The following ZNF175 variants were observed in gnomAD, a reference collection of about 807,000 sequenced individuals.
ZNF175 encodes zinc finger protein OTK18.
A neutral mutation model predicts 14.0 loss-of-function variants in ZNF175; 8 were observed. The ratio of observed to expected loss-of-function variants is 0.57; its 90% confidence interval spans 0.34 to 1.03. ZNF175 has a LOEUF of 1.03. Among genes scored for constraint, ZNF175 ranks in the 50% least tolerant of loss-of-function variants. The probability of loss-of-function intolerance (pLI) is 0.03; values close to 1 mark genes in which losing one functional copy is unlikely to be tolerated. For synonymous variants in ZNF175, 255 were observed against 296.8 expected, an observed-to-expected ratio of 0.86 and a Z score of 1.45; for missense variants, 764 against 849.5, an observed-to-expected ratio of 0.90 and a Z score of 1.25.
Position 51,589,590 on chromosome 19 carries a change from A to G in ZNF175, c.*1123A>G. The G allele has an allele frequency of 1.4e-6, 1 of 702,066 alleles. No homozygotes were observed. The highest frequency in any genetic ancestry group is 2.7e-5 in the East Asian group (1 of 37,280). The allele number at this position is 702,066 out of a possible 1,614,324, so 43.5% of individuals were successfully genotyped here. A position where few individuals can be genotyped will look rare whatever the true frequency, so the allele number is the denominator to read the frequency against. ...CCCCCTTTCCATCTCCACCATCTATAGTGAGCCTCTCCATAATTAGTGCCA... is the reference window on the plus strand; with the variant it reads ...CCCCCTTTCCATCTCCACCATCTATGGTGAGCCTCTCCATAATTAGTGCCA... On this transcript the variant is annotated 3_prime_UTR_variant, in exon 5 of 5. Coordinates refer to ENST00000262259, the MANE Select transcript of ZNF175 (RefSeq NM_007147.4).
chr19:51,585,532 T>C (rs1982138718), intron 4 of ZNF175, among the ~76,000 whole-genome samples: 1 of 152,102 alleles, frequency 6.6e-6, no homozygotes, highest in Non-Finnish European at 1.5e-5. Context: ...AAAAAAAGAA[T>C]GAAAGATGAT....
intron 1 of ZNF175, 21 bp from the exon 2 acceptor site, chr19:51,573,129 T>C (rs1192704121): frequency 3.3e-6 from 2 of 599,010 alleles, no homozygotes; most frequent in South Asian, 4.3e-5. Flanking sequence ...TGAGTGACCA[T>C]GTACTCATTG....
At chr19:51,582,302 G>A (rs769640305) in intron 4 of ZNF175, among the ~76,000 whole-genome samples, 33 of 151,854 alleles carry the variant, frequency 2.2e-4, no homozygotes, top group Admixed American at 5.2e-4. Flanking sequence ...TTTGTTTTTG[G>A]TTTTGGTTTT....
At chr19:51,586,556 C>CA in intron 4 of ZNF175, 71 bp from the exon 5 acceptor site, 2 of 1,464,242 alleles carry the variant, frequency 1.4e-6, no homozygotes, top group East Asian at 4.6e-5. Context: ...TGTTCTGTGT[C>CA]AATCAGCTTC....
In ZNF175 at chr19:51,588,333, G is replaced by C; in HGVS notation, c.2002G>C (p.Glu668Gln). The part of the protein sequence containing the change: ...LKVHQRIHTG[E>Q]RPYVCSECGK... ...GGTGCATCAGCGAATTCACACGGGAGAAAGACCTTATGTGTGTTCTGAATG... is the reference window on the plus strand; with the variant it reads ...GGTGCATCAGCGAATTCACACGGGACAAAGACCTTATGTGTGTTCTGAATG... The change falls in exon 5 of 5, where the codon GAA (glutamate) becomes CAA (glutamine). Residue 668 changes from glutamate (E) to glutamine (Q), a missense_variant. Transcript: ENST00000262259. The C allele has an allele frequency of 6.2e-7, 1 of 1,614,184 alleles. No homozygotes were observed. Among genetic ancestry groups the C allele is most frequent in the Non-Finnish European group, 8.5e-7 (1 of 1,180,032 alleles).
At position 51,588,857 on chromosome 19, in the gene ZNF175, A is replaced by C; in HGVS notation, c.*390A>C. 2.5e-6 allele frequency: 1 copy of C among 403,352 alleles called. No individual in the cohort carries two copies. The highest frequency in any genetic ancestry group is 1.2e-4 in the South Asian group (1 of 8,014). 25.0% of individuals were successfully genotyped at this position (403,352 alleles called of 1,614,324 possible). A position where few individuals can be genotyped will look rare whatever the true frequency, so the allele number is the denominator to read the frequency against. On this transcript the variant is annotated 3_prime_UTR_variant, in exon 5 of 5. Coordinates refer to ENST00000262259, the MANE Select transcript of ZNF175 (RefSeq NM_007147.4). Reference sequence around the variant, plus strand: ...ATAACCCTGTTTATTGTGGGATATCAATATTTTTAAAGTGCCAACACAGTC... The same window carrying C: ...ATAACCCTGTTTATTGTGGGATATCCATATTTTTAAAGTGCCAACACAGTC...
chr19:51,587,501 CTA>C lies in ZNF175; in HGVS notation c.1172_1173del (p.Tyr391Ter). ...HQRTHSREKLYECSECGKGFS... is the reference protein window; with the variant it reads ...HQRTHSREKLXECSECGKGFS... ...AGAGAACTCACAGTAGAGAAAAACT[CTA>C]TGAATGCAGTGAATGTGGCAAAGGC... On this transcript the variant is annotated frameshift_variant, in exon 5 of 5. Transcript: ENST00000262259. LOFTEE classifies it low-confidence loss of function (END_TRUNC). 2 of 1,614,198 alleles carry C rather than the reference CTA, an allele frequency of 1.2e-6. No individual in the cohort carries two copies. The highest frequency in any genetic ancestry group is 1.1e-5 in the South Asian group (1 of 91,080).
In ZNF175 at chr19:51,574,985, G is replaced by A. The variant is rs80151739; in HGVS notation, c.72+1584G>A. Among the ~76,000 whole-genome samples, 400 of 152,102 alleles carry A rather than the reference G, an allele frequency of 2.6e-3. 16 individuals are homozygous for A. The East Asian group carries it at 0.046, about 17-fold the overall frequency. On this transcript the variant is annotated intron_variant, in intron 2 of 4. Coordinates refer to ENST00000262259, the MANE Select transcript of ZNF175 (RefSeq NM_007147.4). ...GCACATTATCTTCTCTTTGTGGTGT[G>A]TATTTCCCTCTGCTCTGGACAGTAC...
At chr19:51,579,308 C>T (rs1381087582) in intron 2 of ZNF175, among the ~76,000 whole-genome samples, 2 of 149,770 alleles carry the variant, frequency 1.3e-5, no homozygotes, top group African/African-American at 4.9e-5. Context: ...GTGGTCCCAG[C>T]TACTTGGGAA....
Position 51,588,671 on chromosome 19 carries a change from G to A in ZNF175, c.*204G>A, listed in dbSNP as rs1029121273. 8 of 560,108 alleles carry A rather than the reference G, an allele frequency of 1.4e-5. No individual in the cohort carries two copies. The highest frequency in any genetic ancestry group is 4.8e-4 in the Middle Eastern group (1 of 2,090). The allele number at this position is 560,108 out of a possible 1,614,324, so 34.7% of individuals were successfully genotyped here. On this transcript the variant is annotated 3_prime_UTR_variant, in exon 5 of 5. Transcript: ENST00000262259. Reference sequence around the variant, plus strand: ...GCAATTACAGAGAAAAGAGTAAGCAGAAATGTCCTTCTGAGTACTGGCCTC... The same window carrying A: ...GCAATTACAGAGAAAAGAGTAAGCAAAAATGTCCTTCTGAGTACTGGCCTC...
In ZNF175 at chr19:51,588,035, C is replaced by T; in HGVS notation, c.1704C>T (p.Phe568=). The change falls in exon 5 of 5, where the codon TTC becomes TTT. Residue 568 remains phenylalanine (F), a synonymous_variant. Coordinates refer to ENST00000262259, the MANE Select transcript of ZNF175 (RefSeq NM_007147.4). ...AATGCAGTGAATGTGGGAAAGCCTT[C>T]ACTTCTAAGTCTCAATTCAAAGAGC... ...PYKCSECGKA[F]TSKSQFKEHQ... is the part of the protein sequence containing the mutation. 1 of 1,614,184 alleles carries T rather than the reference C, an allele frequency of 6.2e-7. No homozygotes were observed. Among genetic ancestry groups the T allele is most frequent in the Non-Finnish European group, 8.5e-7 (1 of 1,180,012 alleles).
At chr19:51,585,386 A>G (rs1395855037) in intron 4 of ZNF175, among the ~76,000 whole-genome samples, 1 of 152,256 alleles carries the variant, frequency 6.6e-6, no homozygotes, top group Non-Finnish European at 1.5e-5. Context: ...TTGGAGATCC[A>G]TTGCACAACA....
At chr19:51,574,505 C>T (rs1027305743) in intron 2 of ZNF175, among the ~76,000 whole-genome samples, 1 of 151,920 alleles carries the variant, frequency 6.6e-6, no homozygotes, top group Non-Finnish European at 1.5e-5. Context: ...CGAGACTCTA[C>T]AAAAATACAA....
At chr19:51,571,877 A>G (rs958695051) in intron 1 of ZNF175, among the ~76,000 whole-genome samples, 2 of 152,286 alleles carry the variant, frequency 1.3e-5, no homozygotes, top group African/African-American at 4.8e-5. Flanking sequence ...TGGGCAACCT[A>G]TAGGAATCAG....
intron 2 of ZNF175, among the ~76,000 whole-genome samples, chr19:51,577,967 CCT>C (rs1318387480): frequency 5.3e-5 from 8 of 151,380 alleles, no homozygotes; most frequent in African/African-American, 1.9e-4. Flanking sequence ...CTGGCATACC[CCT>C]CTCTCTTTTG....
At chr19:51,575,598 A>C (rs1054412835) in intron 2 of ZNF175, among the ~76,000 whole-genome samples, 3 of 152,162 alleles carry the variant, frequency 2.0e-5, no homozygotes, top group Non-Finnish European at 4.4e-5. Flanking sequence ...AGAGGATCAG[A>C]TGGTTTTGTG....
intron 2 of ZNF175, 77 bp downstream of exon 2, chr19:51,573,478 G>C (rs1981665565): frequency 7.0e-7 from 1 of 1,432,590 alleles, no homozygotes; most frequent in Admixed American, 2.0e-5. Flanking sequence ...TGGGCTCCCT[G>C]CTCCTGAGTC....
intron 2 of ZNF175, among the ~76,000 whole-genome samples, chr19:51,578,880 G>T (rs1981899208): frequency 6.6e-6 from 1 of 152,194 alleles, no homozygotes; most frequent in Admixed American, 6.5e-5. Flanking sequence ...ACTTTGGGAG[G>T]CCAAGGTGGG....
Position 51,591,981 on chromosome 19 carries a change from G to A in ZNF175, c.*3514G>A, listed in dbSNP as rs1217837432. The A allele has an allele frequency of 1.3e-5, 2 of 151,760 alleles. No homozygotes were observed. Among genetic ancestry groups the A allele is most frequent in the Admixed American group, 1.3e-4 (2 of 15,196 alleles). 9.4% of individuals were successfully genotyped at this position (151,760 alleles called of 1,614,324 possible). A position where few individuals can be genotyped will look rare whatever the true frequency, so the allele number is the denominator to read the frequency against. On this transcript the variant is annotated 3_prime_UTR_variant, in exon 5 of 5. Coordinates refer to ENST00000262259, the MANE Select transcript of ZNF175 (RefSeq NM_007147.4). ...GACGGGGTTTCACCGTGTTGGCCAG[G>A]ATGGTCTCGATCTCCTGACCTCGTG...
Sources: gnomAD v4.1 joint callset for allele counts (sites outside exome capture counted in the v4.1 genomes callset) on GRCh38, gnomAD v4.1.1 for gene constraint, MANE v1.5 for transcripts, NCBI Gene and HGNC (gene_info 2026-07-23, HGNC 2026-07-21) for gene names.